KANSL1: variants seen among roughly 807,000 people sequenced by gnomAD.
KANSL1 encodes KAT8 regulatory NSL complex subunit 1.
A neutral mutation model predicts 103.6 loss-of-function variants in KANSL1; 22 were observed. The ratio of observed to expected loss-of-function variants is 0.21; its 90% CI spans 0.15 to 0.30. KANSL1 has a LOEUF of 0.30. KANSL1 is among the 10% of genes least tolerant of loss of function. The pLI, the probability that KANSL1 is intolerant of heterozygous loss-of-function variation, is 1.00. For missense variants in KANSL1, 1,337 were observed against 1,399.8 expected (o/e 0.96, Z 0.72); for synonymous variants, 600 against 527.6 (o/e 1.14, Z -1.88).
intron 1 of KANSL1, among the ~76,000 whole-genome samples, chr17:46,211,414 C>A (rs915371162): frequency 1.3e-5 from 2 of 152,200 alleles, no homozygotes; most frequent in African/African-American, 2.4e-5. Flanking sequence ...TAAAAAAAAT[C>A]TCATAATGTT....
chr17:46,067,931 C>T (rs982795867), intron 4 of KANSL1, among the ~76,000 whole-genome samples: 1 of 151,764 alleles, frequency 6.6e-6, no homozygotes, highest in Non-Finnish European at 1.5e-5. Context: ...GGCAACACAG[C>T]GAGACCTCAT....
intron 1 of KANSL1, among the ~76,000 whole-genome samples, chr17:46,182,773 C>G (rs1339389452): frequency 6.6e-6 from 1 of 152,230 alleles, no homozygotes; most frequent in Non-Finnish European, 1.5e-5. Context: ...CATGATCACA[C>G]AACTATGAAG....
At chr17:46,160,672 GT>G (rs1296109505) in intron 2 of KANSL1, among the ~76,000 whole-genome samples, 4 of 152,110 alleles carry the variant, frequency 2.6e-5, no homozygotes, top group Non-Finnish European at 4.4e-5. Context: ...GATGTATCTG[GT>G]TAAGATACAT....
intron 2 of KANSL1, among the ~76,000 whole-genome samples, chr17:46,129,587 C>A (rs1161452346): frequency 4.6e-5 from 7 of 152,168 alleles, no homozygotes; most frequent in African/African-American, 1.7e-4. Flanking sequence ...TATCAGGAAT[C>A]TGATAAATCA....
intron 1 of KANSL1, among the ~76,000 whole-genome samples, chr17:46,199,252 A>G (rs1816): frequency 0.14 from 21,960 of 152,204 alleles, 2,138 homozygotes; most frequent in Non-Finnish European, 0.22. Flanking sequence ...CACTTTTCCC[A>G]CTTCTAATTC....
At chr17:46,125,025 A>AGGGGAGGT (rs2043458128) in intron 2 of KANSL1, among the ~76,000 whole-genome samples, 1 of 97,724 alleles carries the variant, frequency 1.0e-5, no homozygotes, top group Admixed American at 1.1e-4. Flanking sequence ...AAGGGAAGGG[A>AGGGGAGGT]GGGGAGGTAG....
At chr17:46,173,302 A>G (rs1008817049) in intron 1 of KANSL1, among the ~76,000 whole-genome samples, 4 of 147,476 alleles carry the variant, frequency 2.7e-5, no homozygotes, top group Non-Finnish European at 6.2e-5. Flanking sequence ...CAAGATTCCT[A>G]TAACCTCTAT....
At chr17:46,057,648 A>C (rs1370181464) in intron 6 of KANSL1, among the ~76,000 whole-genome samples, 2 of 152,150 alleles carry the variant, frequency 1.3e-5, no homozygotes, top group African/African-American at 2.4e-5. Flanking sequence ...TCACGTTTCT[A>C]CTAGTTTTCA....
intron 2 of KANSL1, among the ~76,000 whole-genome samples, chr17:46,112,251 C>T (rs950224710): frequency 3.3e-5 from 5 of 150,926 alleles, no homozygotes; most frequent in African/African-American, 7.3e-5. Context: ...ACCTGTAGTC[C>T]TAGCTACTCA....
intron 10 of KANSL1, among the ~76,000 whole-genome samples, chr17:46,036,282 C>T (rs2077146599): frequency 6.6e-6 from 1 of 152,176 alleles, no homozygotes; most frequent in Non-Finnish European, 1.5e-5. Context: ...GATGCAGCTA[C>T]TGGCTTTTGG....
At chr17:46,174,832 C>T (rs1040449183) in intron 1 of KANSL1, among the ~76,000 whole-genome samples, 1 of 152,188 alleles carries the variant, frequency 6.6e-6, no homozygotes, top group Non-Finnish European at 1.5e-5. Flanking sequence ...TGCCACCATG[C>T]CCGGCTAATT....
chr17:46,083,201 C>T (rs990644745), intron 3 of KANSL1, among the ~76,000 whole-genome samples: 3 of 151,990 alleles, frequency 2.0e-5, no homozygotes, highest in African/African-American at 7.3e-5. Context: ...CCCCATTGTA[C>T]ATATAATGAG....
In KANSL1 at chr17:46,050,334, A is replaced by T. The variant is rs534004952; in HGVS notation, c.2020+199T>A. On this transcript the variant is annotated intron_variant, in intron 7 of 14. Coordinates refer to ENST00000432791, the MANE Select transcript of KANSL1 (RefSeq NM_015443.4). ...AAGAGTTAGAAGGAAATCTCATATT[A>T]AGTTGCAACCTTTTAGTGGCACCTT... 3 of 587,382 alleles carry T rather than the reference A, an allele frequency of 5.1e-6. No homozygotes were observed. The South Asian group carries it at 6.8e-5, about 13-fold the overall frequency. 36.4% of individuals were successfully genotyped at this position (587,382 alleles called of 1,614,324 possible).
intron 2 of KANSL1, among the ~76,000 whole-genome samples, chr17:46,133,217 T>G (rs1378391963): frequency 6.6e-6 from 1 of 152,172 alleles, no homozygotes; most frequent in Non-Finnish European, 1.5e-5. Context: ...AAGTTGTATG[T>G]GATCCCAAAC....
At chr17:46,072,669 A>G (rs2078620644) in intron 4 of KANSL1, among the ~76,000 whole-genome samples, 1 of 152,168 alleles carries the variant, frequency 6.6e-6, no homozygotes, top group African/African-American at 2.4e-5. Context: ...CAAGAAGTGG[A>G]ATGTTCTGAA....
chr17:46,195,011 A>C (rs1309789224), upstream of KANSL1, among the ~76,000 whole-genome samples: 1 of 152,266 alleles, frequency 6.6e-6, no homozygotes. Flanking sequence ...ATAAACTAAT[A>C]TTTGTATACA....
At position 46,052,963 on chromosome 17, in the gene KANSL1, C is replaced by CAAAAAA. The variant is rs2077769956; in HGVS notation, c.1849-2260_1849-2259insTTTTTT. Among the ~76,000 whole-genome samples the CAAAAAA allele has an allele frequency of 1.0e-3, 44 of 43,154 alleles. 10 individuals are homozygous for CAAAAAA. The highest frequency in any genetic ancestry group is 4.3e-3 in the African/African-American group (42 of 9,818). The allele number at this position is 43,154 out of a possible 152,430, so 28.3% of individuals were successfully genotyped here. ...TGGGAAAAAGAGTAAGATCCTGTCT[C>CAAAAAA]CAAAAAAAAAAAAAAAAAAAAAAAA... On this transcript the variant is annotated intron_variant, in intron 6 of 14. Coordinates refer to ENST00000432791, the MANE Select transcript of KANSL1 (RefSeq NM_015443.4).
intron 10 of KANSL1, among the ~76,000 whole-genome samples, chr17:46,037,066 A>C (rs62062134): frequency 0.14 from 21,791 of 152,180 alleles, 2,127 homozygotes; most frequent in Non-Finnish European, 0.22. Context: ...GCAATGAGAG[A>C]GCCTCAGGGG....
chr17:46,103,060 T>C (rs1257828428), intron 2 of KANSL1, among the ~76,000 whole-genome samples: 3 of 152,208 alleles, frequency 2.0e-5, no homozygotes, highest in Non-Finnish European at 2.9e-5. Flanking sequence ...ATGTATACAA[T>C]GGTTATGTGG....
Sources: gnomAD v4.1 joint callset for allele counts (sites outside exome capture counted in the v4.1 genomes callset) on GRCh38, gnomAD v4.1.1 for gene constraint, MANE v1.5 for transcripts, NCBI Gene and HGNC (gene_info 2026-07-23, HGNC 2026-07-21) for gene names.